The following ITIH5 variants were observed in gnomAD, a reference collection of about 807,000 sequenced individuals.
The protein encoded by ITIH5 is inter-alpha-trypsin inhibitor heavy chain H5.
Under a neutral mutation model 77.5 loss-of-function variants are expected in ITIH5, and 65 were observed. That is an observed-to-expected ratio of 0.84 (90% CI 0.69 to 1.03). The LOEUF (loss-of-function observed/expected upper bound fraction) is 1.03. Ranked by LOEUF, ITIH5 falls within the 50% of genes least tolerant of loss-of-function variation. The pLI is 0.00. For missense variants in ITIH5, 1,208 were observed against 1,213.1 expected, an observed-to-expected ratio of 1.00 and a Z score of 0.06; for synonymous variants, 525 against 494.3, an observed-to-expected ratio of 1.06 and a Z score of -0.82.
chr10:7,626,568 C>T (rs1411272936), intron 5 of ITIH5, among the ~76,000 whole-genome samples: 1 of 152,114 alleles, frequency 6.6e-6, no homozygotes, highest in Non-Finnish European at 1.5e-5. Flanking sequence ...GAGACCGGAC[C>T]CAGACCGGGA....
At chr10:7,579,693 C>T in intron 9 of ITIH5, 62 bp downstream of exon 9, 6 of 1,532,576 alleles carry the variant, frequency 3.9e-6, no homozygotes, top group Non-Finnish European at 5.3e-6. Context: ...TCTGAATTCC[C>T]ACCGCAGCCA....
At chr10:7,586,619 A>G (rs1832685252) in intron 7 of ITIH5, among the ~76,000 whole-genome samples, 1 of 152,164 alleles carries the variant, frequency 6.6e-6, no homozygotes, top group Admixed American at 6.5e-5. Context: ...CCTAACAGCT[A>G]GTGACAAGAA....
chr10:7,663,235 C>A (rs1490174356), intron 1 of ITIH5, among the ~76,000 whole-genome samples: 1 of 152,236 alleles, frequency 6.6e-6, no homozygotes, highest in Admixed American at 6.5e-5. Context: ...TCAGAAAGGA[C>A]TTCCTGGTTG....
chr10:7,644,436 T>C (rs1296088496), intron 2 of ITIH5, among the ~76,000 whole-genome samples: 1 of 145,206 alleles, frequency 6.9e-6, no homozygotes, highest in African/African-American at 2.5e-5. Flanking sequence ...ATATATCATA[T>C]ATATCACATA....
At chr10:7,589,355 A>G (rs1351786528) in intron 7 of ITIH5, among the ~76,000 whole-genome samples, 1 of 152,132 alleles carries the variant, frequency 6.6e-6, no homozygotes, top group Non-Finnish European at 1.5e-5. Context: ...GCTACTTGGG[A>G]GGCTGAGGCA....
chr10:7,659,073 T>C (rs1834234284), intron 1 of ITIH5, among the ~76,000 whole-genome samples: 1 of 152,112 alleles, frequency 6.6e-6, no homozygotes, highest in African/African-American at 2.4e-5. Context: ...TATATCGGTT[T>C]TGGAATTCTA....
chr10:7,644,828 CACATATATATCACAT>C (rs1833975284), intron 2 of ITIH5, among the ~76,000 whole-genome samples: 1 of 96,292 alleles, frequency 1.0e-5, no homozygotes, highest in Non-Finnish European at 2.1e-5. Flanking sequence ...TCATATATAT[CACATATATATCACAT>C]ATATATCACA....
chr10:7,573,909 A>G (rs192620258), intron 10 of ITIH5, among the ~76,000 whole-genome samples: 1 of 152,294 alleles, frequency 6.6e-6, no homozygotes, highest in African/African-American at 2.4e-5. Flanking sequence ...CAAGATGGAA[A>G]AGTTCTAGAG....
At chr10:7,650,398 C>T (rs913212794) in intron 2 of ITIH5, among the ~76,000 whole-genome samples, 68 of 152,264 alleles carry the variant, frequency 4.5e-4, no homozygotes, top group Admixed American at 1.4e-3. Context: ...GCTGACTCCA[C>T]GCACCAAATC....
Position 7,586,008 on chromosome 10 carries a change from A to G in ITIH5, c.1001T>C (p.Ile334Thr), listed in dbSNP as rs752106624. ...TACTTTGATCCGGTTGGAAAATCCA[A>G]TGATACTGAAACGGTCCTGGGGTCG... ...DLRPQDRFSI[I>T]GFSNRIKVWK... The change falls in exon 8 of 14, where the codon ATT becomes ACT. Residue 334 changes from isoleucine to threonine, a missense_variant. Transcript: ENST00000397146. The G allele has an allele frequency of 5.6e-6, 9 of 1,614,112 alleles. No homozygotes were observed. The East Asian group carries it at 1.1e-4, about 20-fold the overall frequency.
chr10:7,589,707 C>T (rs904147549), intron 7 of ITIH5, among the ~76,000 whole-genome samples: 10 of 151,892 alleles, frequency 6.6e-5, no homozygotes, highest in Non-Finnish European at 1.5e-4. Context: ...CTGACTGCAG[C>T]GGTTTCCCGT....
intron 13 of ITIH5, among the ~76,000 whole-genome samples, chr10:7,565,468 T>C (rs1429934825): frequency 6.6e-6 from 1 of 150,438 alleles, no homozygotes; most frequent in Non-Finnish European, 1.5e-5. Flanking sequence ...CAGACATACA[T>C]ATGTACATAT....
chr10:7,559,996 C>T lies in ITIH5; in HGVS notation c.*3087G>A. On this transcript the variant is annotated 3_prime_UTR_variant, in exon 14 of 14. Coordinates refer to ENST00000397146, the MANE Select transcript of ITIH5 (RefSeq NM_030569.7). The stretch of plus-strand genomic sequence containing the variant: ...CCTCCCAAGTAGCTGGAACTACAGG[C>T]ACGCACCACCACGCCCAGCTAATTT... The T allele has an allele frequency of 2.7e-6, 1 of 368,006 alleles. No homozygotes were observed. Among genetic ancestry groups the T allele is most frequent in the South Asian group, 2.2e-5 (1 of 46,400 alleles). The allele number at this position is 368,006 out of a possible 1,614,324, so 22.8% of individuals were successfully genotyped here.
In ITIH5 at chr10:7,588,617, GT is replaced by G. The variant is rs1236817626; in HGVS notation, c.940-2549del. Among the ~76,000 whole-genome samples the G allele has an allele frequency of 4.6e-5, 7 of 152,348 alleles. No individual in the cohort carries two copies. In the East Asian group the frequency reaches 1.3e-3, roughly 29 times the overall value. On this transcript the variant is annotated intron_variant, in intron 7 of 13. Coordinates refer to ENST00000397146, the MANE Select transcript of ITIH5 (RefSeq NM_030569.7). The stretch of plus-strand genomic sequence containing the variant: ...CAAACGTTCGCCTAACTTTCTCCCC[GT>G]GAGTTTTTGCTAAAGTAATGTTCCT...
intron 2 of ITIH5, among the ~76,000 whole-genome samples, chr10:7,647,140 G>T (rs189961198): frequency 4.6e-5 from 7 of 152,278 alleles, no homozygotes; most frequent in Admixed American, 1.3e-4. Flanking sequence ...TCATCCATTT[G>T]TAATCATTTT....
chr10:7,603,435 T>C (rs1337805674), intron 7 of ITIH5, among the ~76,000 whole-genome samples: 1 of 152,040 alleles, frequency 6.6e-6, no homozygotes, highest in East Asian at 1.9e-4. Flanking sequence ...TGGGGGTTCT[T>C]TGGGGGATGA....
chr10:7,581,688 A>G (rs1832555419), intron 8 of ITIH5, among the ~76,000 whole-genome samples: 1 of 151,460 alleles, frequency 6.6e-6, no homozygotes, highest in Admixed American at 6.6e-5. Flanking sequence ...TTCCTTTAAA[A>G]AGAATGTTCC....
intron 7 of ITIH5, among the ~76,000 whole-genome samples, chr10:7,601,442 A>G (rs2131007067): frequency 6.6e-6 from 1 of 152,296 alleles, no homozygotes; most frequent in South Asian, 2.1e-4. Flanking sequence ...CCATTGCTAA[A>G]TCATAAACAC....
Position 7,656,206 on chromosome 10 carries a change from C to T in ITIH5, c.91-531G>A, listed in dbSNP as rs1163338750. On this transcript the variant is annotated intron_variant, in intron 1 of 13. Coordinates refer to ENST00000397146, the MANE Select transcript of ITIH5 (RefSeq NM_030569.7). ...TGCTTCCACATGCCGGGGAGGGATG[C>T]GGGAAAGTGATGAAATCGTCTTTTT... Among the ~76,000 whole-genome samples, 7 of 152,194 alleles carry T rather than the reference C, an allele frequency of 4.6e-5. No individual in the cohort carries two copies. In the East Asian group the frequency reaches 5.8e-4, roughly 13 times the overall value.
Sources: gnomAD v4.1 joint callset for allele counts (sites outside exome capture counted in the v4.1 genomes callset) on GRCh38, gnomAD v4.1.1 for gene constraint, MANE v1.5 for transcripts, NCBI Gene and HGNC (gene_info 2026-07-23, HGNC 2026-07-21) for gene names.